NACC2: variants seen among roughly 807,000 people sequenced by gnomAD.
NACC2 encodes the protein nucleus accumbens-associated protein 2.
A neutral mutation model predicts 25.1 loss-of-function variants in NACC2; 8 were observed. The ratio of observed to expected loss-of-function variants is 0.32; its 90% confidence interval spans 0.19 to 0.57. The LOEUF (loss-of-function observed/expected upper bound fraction) is 0.57. Among genes scored for constraint, NACC2 ranks in the 20% least tolerant of loss-of-function variants. The pLI, the probability that NACC2 is intolerant of heterozygous loss-of-function variation, is 0.89. For synonymous variants in NACC2, 435 were observed against 294.7 expected (o/e 1.48, Z -4.88); for missense variants, 644 against 650.2 (o/e 0.99, Z 0.10).
At chr9:136,040,997 GGAAA>G (rs1840618521) in intron 2 of NACC2, among the ~76,000 whole-genome samples, 1 of 141,792 alleles carries the variant, frequency 7.1e-6, no homozygotes, top group Admixed American at 7.7e-5. Context: ...AGGAAAGGAA[GGAAA>G]GAAAGGAAGG....
rs1840787047 is a variant in NACC2 at position 136,049,715 on chromosome 9, C to G, written c.807G>C (p.Glu269Asp). 5.1e-6 allele frequency: 4 copies of G among 779,226 alleles called. No homozygotes were observed. The highest frequency in any genetic ancestry group is 9.6e-6 in the Non-Finnish European group (4 of 417,502). The allele number at this position is 779,226 out of a possible 1,614,324, so 48.3% of individuals were successfully genotyped here. A position where few individuals can be genotyped will look rare whatever the true frequency, so the allele number is the denominator to read the frequency against. The change falls in exon 2 of 6, where the codon GAG becomes GAC. Residue 269 changes from glutamate (E) to aspartate (D), a missense_variant. Physicochemically the swap from Glu to Asp is conservative, Grantham distance 45. Coordinates refer to ENST00000277554, the MANE Select transcript of NACC2 (RefSeq NM_144653.5). ...TGGTGTCGTAGGCCTCGTCGTCCTC[C>G]TCGTCCTCCTCGTTGTGGTACGAGG... ...SPTSYHNEED[E>D]EDDEAYDTMV...
At chr9:136,046,065 G>A (rs1361639312) in intron 2 of NACC2, among the ~76,000 whole-genome samples, 5 of 152,200 alleles carry the variant, frequency 3.3e-5, no homozygotes, top group African/African-American at 1.2e-4. Context: ...AGGGCCCGAA[G>A]AGGAAAGGGG....
At chr9:136,054,587 G>A (rs1236925272) in intron 1 of NACC2, among the ~76,000 whole-genome samples, 1 of 152,202 alleles carries the variant, frequency 6.6e-6, no homozygotes, top group Non-Finnish European at 1.5e-5. Flanking sequence ...CGAGGGCCCA[G>A]GTGGGCCCAG....
At chr9:136,076,437 C>G (rs997652399) in intron 1 of NACC2, among the ~76,000 whole-genome samples, 14 of 152,158 alleles carry the variant, frequency 9.2e-5, no homozygotes, top group Non-Finnish European at 2.9e-5. Flanking sequence ...TGAAAGCCAC[C>G]AGGCACACAC....
At chr9:136,093,437 C>A (rs1830453688) in intron 1 of NACC2, among the ~76,000 whole-genome samples, 1 of 152,222 alleles carries the variant, frequency 6.6e-6, no homozygotes, top group South Asian at 2.1e-4. Flanking sequence ...CCTGTAGCAG[C>A]CCAGCTCCCA....
Position 136,019,295 on chromosome 9 carries a change from G to A in NACC2, c.887-2866C>T, listed in dbSNP as rs1840252521. ...GTGGCCCCCGGAAGGGCCATTCAGA[G>A]GCCCCGTGAGTCGGGGCCAGAGCTG... is the stretch of plus-strand genomic sequence containing the variant. On this transcript the variant is annotated intron_variant, in intron 2 of 5. Transcript: ENST00000277554. This position sits in a 1 kb window ranked among gnomAD's most constrained non-coding sequence, Gnocchi z 5.2. 6.6e-6 allele frequency: 1 copy of A among 152,266 alleles called. No individual in the cohort carries two copies. The highest frequency in any genetic ancestry group is 1.5e-5 in the Non-Finnish European group (1 of 68,078). The allele number at this position is 152,266 out of a possible 1,614,324, so 9.4% of individuals were successfully genotyped here.
At chr9:136,036,482 C>T (rs913433640) in intron 2 of NACC2, among the ~76,000 whole-genome samples, 2 of 152,218 alleles carry the variant, frequency 1.3e-5, no homozygotes, top group Non-Finnish European at 2.9e-5. Context: ...TATATACATA[C>T]ACACACACAT....
At chr9:136,035,648 G>A (rs1178232604) in intron 2 of NACC2, among the ~76,000 whole-genome samples, 2 of 151,886 alleles carry the variant, frequency 1.3e-5, no homozygotes, top group East Asian at 1.9e-4. Flanking sequence ...ATGATGGATT[G>A]AGATAACACT....
chr9:136,031,331 A>ATTC (rs1258451716), intron 2 of NACC2, among the ~76,000 whole-genome samples: 2 of 145,834 alleles, frequency 1.4e-5, no homozygotes, highest in East Asian at 3.9e-4. Context: ...AGCCTCATTC[A>ATTC]TTCATTCATT....
intron 1 of NACC2, among the ~76,000 whole-genome samples, chr9:136,071,542 C>CAAAAAA (rs34087690): frequency 9.6e-5 from 8 of 83,264 alleles, no homozygotes; most frequent in African/African-American, 1.9e-4. Context: ...GACTCCATCT[C>CAAAAAA]AAAAAAAAAA....
Position 136,019,310 on chromosome 9 carries a change from G to A in NACC2, c.887-2881C>T, listed in dbSNP as rs1281603622. 2 of 152,268 alleles carry A rather than the reference G, an allele frequency of 1.3e-5. No homozygotes were observed. Among genetic ancestry groups the A allele is most frequent in the Non-Finnish European group, 2.9e-5 (2 of 68,078 alleles). The allele number at this position is 152,268 out of a possible 1,614,324, so 9.4% of individuals were successfully genotyped here. A position where few individuals can be genotyped will look rare whatever the true frequency, so the allele number is the denominator to read the frequency against. ...GCCATTCAGAGGCCCCGTGAGTCGGGGCCAGAGCTGGGTTCCAGGGTGGCA... is the reference window on the plus strand; with the variant it reads ...GCCATTCAGAGGCCCCGTGAGTCGGAGCCAGAGCTGGGTTCCAGGGTGGCA... On this transcript the variant is annotated intron_variant, in intron 2 of 5. Coordinates refer to ENST00000277554, the MANE Select transcript of NACC2 (RefSeq NM_144653.5). This position sits in a 1 kb window ranked among gnomAD's most constrained non-coding sequence, Gnocchi z 5.2.
At chr9:136,052,434 C>G (rs1238399387) in intron 1 of NACC2, among the ~76,000 whole-genome samples, 1 of 138,254 alleles carries the variant, frequency 7.2e-6, no homozygotes, top group African/African-American at 2.8e-5. Flanking sequence ...TGGGCAGAGG[C>G]GCCAGGGGGA....
chr9:136,071,359 A>G (rs1841149331), intron 1 of NACC2, among the ~76,000 whole-genome samples: 1 of 152,058 alleles, frequency 6.6e-6, no homozygotes, highest in South Asian at 2.1e-4. Context: ...CCTGGCCAAC[A>G]TGGTGAAACC....
intron 5 of NACC2, among the ~76,000 whole-genome samples, chr9:136,012,748 G>T (rs1283911223): frequency 1.3e-5 from 2 of 151,578 alleles, no homozygotes; most frequent in African/African-American, 4.9e-5. Flanking sequence ...TGGCCACCTG[G>T]TGCGAGCCGG....
chr9:136,048,323 G>A (rs932166252), intron 2 of NACC2, among the ~76,000 whole-genome samples: 5 of 152,190 alleles, frequency 3.3e-5, no homozygotes, highest in South Asian at 2.1e-4. Flanking sequence ...CGGATTCCCC[G>A]GAGGCCTCAG....
chr9:136,028,122 A>C (rs1840420949), intron 2 of NACC2, among the ~76,000 whole-genome samples: 1 of 151,776 alleles, frequency 6.6e-6, no homozygotes, highest in African/African-American at 2.4e-5. Flanking sequence ...TTAACTGGGC[A>C]TAATGGCAGG....
chr9:136,075,001 T>C (rs1830245982), intron 1 of NACC2, among the ~76,000 whole-genome samples: 1 of 152,164 alleles, frequency 6.6e-6, no homozygotes, highest in Non-Finnish European at 1.5e-5. Flanking sequence ...GGAACAGCAA[T>C]CGGATCCTCA....
At chr9:136,060,715 G>A (rs1840997375) in intron 1 of NACC2, among the ~76,000 whole-genome samples, 1 of 152,246 alleles carries the variant, frequency 6.6e-6, no homozygotes, top group Non-Finnish European at 1.5e-5. Flanking sequence ...TGAAGAGCGT[G>A]AGAAACATAG....
chr9:136,075,587 G>A (rs1472265613), intron 1 of NACC2, among the ~76,000 whole-genome samples: 1 of 152,252 alleles, frequency 6.6e-6, no homozygotes, highest in Non-Finnish European at 1.5e-5. Flanking sequence ...TCGGGCATAG[G>A]CCCACATTCA....
Sources: gnomAD v4.1 joint callset for allele counts (sites outside exome capture counted in the v4.1 genomes callset) on GRCh38, gnomAD v4.1.1 for gene constraint, Gnocchi (gnomAD v3.1) non-coding constraint, MANE v1.5 for transcripts, NCBI Gene and HGNC (gene_info 2026-07-23, HGNC 2026-07-21) for gene names.